The following SH3KBP1 variants were observed in gnomAD, a reference collection of about 807,000 sequenced individuals.
The protein encoded by SH3KBP1 is SH3 domain containing kinase binding protein 1, also known as SH3 domain-containing kinase-binding protein 1.
Under a neutral mutation model 50.1 loss-of-function variants are expected in SH3KBP1, and 8 were observed. That is an observed-to-expected ratio of 0.16 (90% confidence interval 0.09 to 0.29). SH3KBP1 has a LOEUF of 0.29. SH3KBP1 is among the 10% of genes least tolerant of loss of function. The pLI is 1.00. For synonymous variants in SH3KBP1, 227 were observed against 218.6 expected (o/e 1.04, Z -0.34); for missense variants, 377 against 535.2 (o/e 0.70, Z 2.92).
chrX:19,581,459 C>A (rs752240191), intron 12 of SH3KBP1, among the ~76,000 whole-genome samples: 12 of 112,204 alleles, frequency 1.1e-4, no homozygotes, highest in Non-Finnish European at 1.9e-4. Flanking sequence ...GAACATTGCA[C>A]ACACTCACTA....
intron 13 of SH3KBP1, among the ~76,000 whole-genome samples, chrX:19,561,683 T>C (rs1368881161): frequency 8.9e-6 from 1 of 111,811 alleles, no homozygotes; most frequent in African/African-American, 3.3e-5. Flanking sequence ...ACATTGTGAG[T>C]TTCCCATTAA....
chrX:19,555,098 T>C lies in SH3KBP1; in HGVS notation c.1385-5015A>G, dbSNP rs138137306. ...AAACTTGATATGAGCTTTCTCGGCC[T>C]GGCTGGGAATTTTTCCTCTTAAGAG... On this transcript the variant is annotated intron_variant, in intron 13 of 17. Transcript: ENST00000397821. 1.2e-3 allele frequency among the ~76,000 whole-genome samples: 133 copies of C among 112,966 alleles called. 1 individual carries two copies. Among genetic ancestry groups the C allele is most frequent in the Middle Eastern group, 4.6e-3 (1 of 219 alleles).
chrX:19,663,865 C>G (rs2062528101), intron 6 of SH3KBP1, among the ~76,000 whole-genome samples: 1 of 112,068 alleles, frequency 8.9e-6, no homozygotes, highest in Admixed American at 9.4e-5. Flanking sequence ...GCAAGAGGAC[C>G]ACCTGACGCC....
At chrX:19,881,201 C>T (rs1203556691) in intron 1 of SH3KBP1, among the ~76,000 whole-genome samples, 2 of 111,700 alleles carry the variant, frequency 1.8e-5, no homozygotes, top group Non-Finnish European at 3.8e-5. Flanking sequence ...TGGTGGCTGC[C>T]GAGCTTCACG....
chrX:19,550,497 C>T (rs1440985436), intron 13 of SH3KBP1, among the ~76,000 whole-genome samples: 2 of 111,394 alleles, frequency 1.8e-5, no homozygotes, highest in Non-Finnish European at 3.8e-5. Context: ...GAGTGGATGC[C>T]GGTCATTGAT....
intron 12 of SH3KBP1, among the ~76,000 whole-genome samples, chrX:19,581,892 G>A (rs2147924263): frequency 1.9e-5 from 2 of 104,968 alleles, no homozygotes; most frequent in Non-Finnish European, 3.9e-5. Context: ...ACTGCGTGCT[G>A]CCCCTCCCCT....
At chrX:19,659,563 C>T (rs1172500390) in intron 6 of SH3KBP1, among the ~76,000 whole-genome samples, 1 of 112,017 alleles carries the variant, frequency 8.9e-6, no homozygotes, top group Non-Finnish European at 1.9e-5. Flanking sequence ...CCGCTGCACC[C>T]AGCCAAGGTC....
intron 6 of SH3KBP1, chrX:19,683,465 C>A (rs12014145): frequency 0.011 from 3,473 of 330,134 alleles, 104 homozygotes; most frequent in African/African-American, 0.081. Flanking sequence ...GTACAAGGAG[C>A]GGAGAGAGAT....
intron 15 of SH3KBP1, among the ~76,000 whole-genome samples, chrX:19,544,628 T>G (rs936121177): frequency 8.9e-6 from 1 of 112,066 alleles, no homozygotes; most frequent in African/African-American, 3.2e-5. Context: ...CCAGTGCCTT[T>G]GCACTGACTG....
At chrX:19,648,918 T>A (rs758405856) in intron 6 of SH3KBP1, among the ~76,000 whole-genome samples, 6 of 111,645 alleles carry the variant, frequency 5.4e-5, no homozygotes, top group Non-Finnish European at 9.4e-5. Flanking sequence ...TTTGGCTAAT[T>A]GGGCTTAAAA....
At chrX:19,662,836 T>A (rs1179898293) in intron 6 of SH3KBP1, among the ~76,000 whole-genome samples, 1 of 108,865 alleles carries the variant, frequency 9.2e-6, no homozygotes, top group Admixed American at 9.9e-5. Context: ...TTTTTTTTTT[T>A]AATGGGATTC....
intron 2 of SH3KBP1, among the ~76,000 whole-genome samples, chrX:19,788,119 T>G (rs1165938922): frequency 9.2e-6 from 1 of 108,549 alleles, no homozygotes; most frequent in Middle Eastern, 4.3e-3. Context: ...AAGGAGAACT[T>G]TGGGATGGGA....
At chrX:19,723,555 T>A (rs957451896) in intron 3 of SH3KBP1, among the ~76,000 whole-genome samples, 3 of 111,354 alleles carry the variant, frequency 2.7e-5, no homozygotes, top group Non-Finnish European at 3.8e-5. Context: ...TATCTGCATC[T>A]GCTTATGGTT....
At chrX:19,538,719 T>G (rs1477998817) in intron 16 of SH3KBP1, among the ~76,000 whole-genome samples, 2 of 110,249 alleles carry the variant, frequency 1.8e-5, no homozygotes, top group African/African-American at 6.6e-5. Flanking sequence ...CCCGAGGAGC[T>G]GGGATTACAG....
chrX:19,572,464 T>A (rs1263676820), intron 12 of SH3KBP1, among the ~76,000 whole-genome samples: 6 of 106,751 alleles, frequency 5.6e-5, no homozygotes. Flanking sequence ...ATATAGTACA[T>A]ATATACTATA....
chrX:19,786,140 A>G (rs190881229), intron 2 of SH3KBP1, among the ~76,000 whole-genome samples: 51 of 111,900 alleles, frequency 4.6e-4, no homozygotes, highest in Non-Finnish European at 7.5e-5. Flanking sequence ...TAATGTGATG[A>G]GCCAAATTCC....
chrX:19,653,811 CACAG>C (rs1288050307), intron 6 of SH3KBP1, among the ~76,000 whole-genome samples: 2 of 100,768 alleles, frequency 2.0e-5, no homozygotes, highest in Non-Finnish European at 4.0e-5. Context: ...CACACACACA[CACAG>C]CTTCTTAACA....
At chrX:19,795,850 G>A (rs764573960) in intron 2 of SH3KBP1, among the ~76,000 whole-genome samples, 11 of 111,726 alleles carry the variant, frequency 9.8e-5, no homozygotes, top group Middle Eastern at 4.6e-3. Flanking sequence ...TTCAACAGCC[G>A]TACCCTCATG....
intron 5 of SH3KBP1, among the ~76,000 whole-genome samples, chrX:19,688,139 A>G (rs2063207355): frequency 8.9e-6 from 1 of 112,402 alleles, no homozygotes; most frequent in Admixed American, 9.4e-5. Flanking sequence ...ATTATCCTTT[A>G]TCTTCTACCC....
Sources: gnomAD v4.1 joint callset for allele counts (sites outside exome capture counted in the v4.1 genomes callset) on GRCh38, gnomAD v4.1.1 for gene constraint, MANE v1.5 for transcripts, NCBI Gene and HGNC (gene_info 2026-07-23, HGNC 2026-07-21) for gene names.